CYP24A1: variants seen among roughly 807,000 people sequenced by gnomAD.
The protein encoded by CYP24A1 is 1,25-dihydroxyvitamin D(3) 24-hydroxylase, mitochondrial.
A neutral mutation model predicts 62.4 loss-of-function variants in CYP24A1; 68 were observed. The observed-to-expected ratio is 1.09, with a 90% CI of 0.90 to 1.33. CYP24A1 has a LOEUF of 1.33. Ranked by LOEUF, CYP24A1 falls within the 40% of genes most tolerant of loss-of-function variation. CYP24A1 has a pLI of 0.00. For missense variants in CYP24A1, 787 were observed against 653.0 expected, an observed-to-expected ratio of 1.21 and a Z score of -2.24; for synonymous variants, 267 against 253.0, an observed-to-expected ratio of 1.06 and a Z score of -0.52.
Position 54,157,462 on chromosome 20 carries a change from G to T in CYP24A1, c.1360C>A (p.Pro454Thr), listed in dbSNP as rs777956236. Residue 454 changes from proline to threonine, a missense_variant, in exon 10 of 12, where the codon CCA (proline) becomes ACA (threonine). By Grantham distance (38) the Pro-to-Thr change is conservative. Coordinates refer to ENST00000216862, the MANE Select transcript of CYP24A1 (RefSeq NM_000782.5). The stretch of plus-strand genomic sequence containing the variant: ...CACATTCTTTTTCCAACGCCAAATG[G>T]AAGATGCGCAAAAGGATTAATTTTT... ...KEKINPFAHLPFGVGKRMCIG... is the reference protein window; with the variant it reads ...KEKINPFAHLTFGVGKRMCIG... 2 of 1,601,952 alleles carry T rather than the reference G, an allele frequency of 1.2e-6. No homozygotes were observed. The highest frequency in any genetic ancestry group is 2.2e-5 in the South Asian group (2 of 90,820).
chr20:54,171,794 T>C, intron 2 of CYP24A1, 124 bp from the exon 3 acceptor site: 4 of 1,576,734 alleles, frequency 2.5e-6, no homozygotes, highest in Admixed American at 1.8e-5. Context: ...TGCCAAGAAA[T>C]AGCCAGAGAA....
intron 11 of CYP24A1, among the ~76,000 whole-genome samples, chr20:54,155,560 C>T (rs1568964138): frequency 6.6e-6 from 1 of 151,808 alleles, no homozygotes; most frequent in Non-Finnish European, 1.5e-5. Flanking sequence ...AATGAAACCC[C>T]ATCTCTACTA....
Position 54,157,511 on chromosome 20 carries a change from A to G in CYP24A1, c.1311T>C (p.Pro437=). The change falls in exon 10 of 12, where the codon CCT becomes CCC. Residue 437 remains proline, a synonymous_variant. Transcript: ENST00000216862. The part of the protein sequence containing the change: ...DNFEDSSQFR[P]ERWLQEKEKI... The stretch of plus-strand genomic sequence containing the variant: ...TTTCCTTCTCCTGAAGCCAACGTTC[A>G]GGTCTAAACTGACTTGAATCTTCAA... 6.3e-7 allele frequency: 1 copy of G among 1,599,508 alleles called. No individual in the cohort carries two copies. The highest frequency in any genetic ancestry group is 2.2e-5 in the East Asian group (1 of 44,810).
intron 4 of CYP24A1, among the ~76,000 whole-genome samples, chr20:54,169,013 T>C (rs1213190017): frequency 2.0e-5 from 3 of 151,936 alleles, no homozygotes; most frequent in African/African-American, 4.8e-5. Flanking sequence ...TCCTCCCACC[T>C]CAGCCTCCCA....
chr20:54,154,577 T>TGCCA lies in CYP24A1; in HGVS notation c.*191_*194dup. On this transcript the variant is annotated 3_prime_UTR_variant, in exon 12 of 12. Transcript: ENST00000216862. Reference sequence around the variant, plus strand: ...TTGTAACCTCTACCTGACTGACAAGTGCCAGCCTCCCTTTCATGTCATGGA... The same window carrying TGCCA: ...TTGTAACCTCTACCTGACTGACAAGTGCCAGCCAGCCTCCCTTTCATGTCATGGA... 6.5e-6 allele frequency: 1 copy of TGCCA among 153,120 alleles called. No homozygotes were observed. Among genetic ancestry groups the TGCCA allele is most frequent in the East Asian group, 1.9e-4 (1 of 5,294 alleles). 9.5% of individuals were successfully genotyped at this position (153,120 alleles called of 1,614,324 possible).
At chr20:54,158,019 T>C in intron 9 of CYP24A1, 67 bp downstream of exon 9, 1 of 1,601,912 alleles carries the variant, frequency 6.2e-7, no homozygotes, top group South Asian at 1.1e-5. Context: ...TAGGGAGATC[T>C]GGTGAATATT....
chr20:54,155,264 C>T (rs757323499), intron 11 of CYP24A1, among the ~76,000 whole-genome samples: 1 of 152,106 alleles, frequency 6.6e-6, no homozygotes, highest in Non-Finnish European at 1.5e-5. Context: ...GAAATTTCAT[C>T]TGTAATTGCA....
intron 11 of CYP24A1, 146 bp downstream of exon 11, chr20:54,157,023 A>G: frequency 1.6e-6 from 1 of 617,662 alleles, no homozygotes; most frequent in Middle Eastern, 4.4e-4. Flanking sequence ...AAAAGGAAGT[A>G]GAGAGTTTAG....
chr20:54,168,930 C>T (rs1190560061), intron 4 of CYP24A1, among the ~76,000 whole-genome samples: 3 of 148,970 alleles, frequency 2.0e-5, no homozygotes, highest in African/African-American at 7.4e-5. Flanking sequence ...CGGGGTCTCA[C>T]ACTGTCACCC....
downstream of CYP24A1, among the ~76,000 whole-genome samples, chr20:54,152,929 G>A (rs1177885181): frequency 6.6e-6 from 1 of 152,224 alleles, no homozygotes; most frequent in Non-Finnish European, 1.5e-5. Flanking sequence ...AGAGATATTA[G>A]TGGTCCAGGC....
chr20:54,168,986 G>A (rs1042891952), intron 4 of CYP24A1, among the ~76,000 whole-genome samples: 15 of 151,452 alleles, frequency 9.9e-5, no homozygotes, highest in Admixed American at 6.6e-4. Flanking sequence ...TAGCTTCAGC[G>A]TCCCGGGGTC....
chr20:54,147,369 C>T, the CYP24A1 span, among the ~76,000 whole-genome samples: 7 of 152,148 alleles, frequency 4.6e-5, no homozygotes, highest in African/African-American at 1.4e-4. Context: ...TCATAGATTT[C>T]TAGAACGTGC....
downstream of CYP24A1, among the ~76,000 whole-genome samples, chr20:54,151,291 G>T (rs1176195741): frequency 6.6e-6 from 1 of 152,130 alleles, no homozygotes; most frequent in Non-Finnish European, 1.5e-5. Flanking sequence ...TGGCGCTGGT[G>T]GGAGTGCCTT....
At chr20:54,172,316 A>G (rs2092696809) in intron 2 of CYP24A1, among the ~76,000 whole-genome samples, 3 of 152,190 alleles carry the variant, frequency 2.0e-5, no homozygotes. Context: ...GTTTGGGGGT[A>G]AATAAAGGTG....
the CYP24A1 span, among the ~76,000 whole-genome samples, chr20:54,148,037 T>A: frequency 6.6e-6 from 1 of 152,288 alleles, no homozygotes; most frequent in African/African-American, 2.4e-5. Flanking sequence ...GGTTTCACCA[T>A]GTTGGCCAGG....
intron 4 of CYP24A1, among the ~76,000 whole-genome samples, chr20:54,166,269 A>G (rs2092671590): frequency 1.3e-5 from 2 of 152,174 alleles, no homozygotes; most frequent in Non-Finnish European, 2.9e-5. Flanking sequence ...TGTTCTAAAC[A>G]CCCATTACAC....
chr20:54,145,828 A>C, the CYP24A1 span, among the ~76,000 whole-genome samples: 1 of 152,196 alleles, frequency 6.6e-6, no homozygotes. Context: ...CGCCACACTT[A>C]AAGGGAGGAA....
At chr20:54,151,784 G>A (rs143254841), downstream of CYP24A1, among the ~76,000 whole-genome samples, 436 of 152,058 alleles carry the variant, frequency 2.9e-3, 2 homozygotes, top group African/African-American at 9.0e-3. Context: ...CCACAGGTCC[G>A]GGAACCAATC....
Position 54,173,310 on chromosome 20 carries a change from A to G in CYP24A1, c.258+12T>C. 1 of 1,606,688 alleles carries G rather than the reference A, an allele frequency of 6.2e-7. No homozygotes were observed. The highest frequency in any genetic ancestry group is 1.7e-5 in the Admixed American group (1 of 59,608). On this transcript the variant is annotated intron_variant, in intron 1 of 11. Transcript: ENST00000216862. The surrounding 1 kb of genome is among the most constrained non-coding windows in gnomAD (Gnocchi z 7.2). The stretch of plus-strand genomic sequence containing the variant: ...AGGGAGGAGAGAGTCAGGGGCGCGA[A>G]AAGGGGTTTACCAGGGTGTCGTGCT...
Sources: gnomAD v4.1 joint callset for allele counts (sites outside exome capture counted in the v4.1 genomes callset) on GRCh38, gnomAD v4.1.1 for gene constraint, Gnocchi (gnomAD v3.1) non-coding constraint, MANE v1.5 for transcripts, NCBI Gene and HGNC (gene_info 2026-07-23, HGNC 2026-07-21) for gene names.